Variants in FMO3 observed in about 807,000 individuals in gnomAD.
FMO3 encodes the protein flavin-containing monooxygenase 3.
FMO3 carries 40 observed loss-of-function variants against 39.4 expected under a neutral mutation model. The ratio of observed to expected loss-of-function variants is 1.02; its 90% CI spans 0.79 to 1.32. The LOEUF (loss-of-function observed/expected upper bound fraction) is 1.32, where lower values mean the gene tolerates loss of function less well. FMO3 is among the 40% of genes most tolerant of loss of function. FMO3 has a pLI of 0.00. For synonymous variants in FMO3, 219 were observed against 228.8 expected, an observed-to-expected ratio of 0.96 and a Z score of 0.39; for missense variants, 680 against 651.8, an observed-to-expected ratio of 1.04 and a Z score of -0.47.
chr1:171,098,300 T>G (rs1571206674), intron 2 of FMO3, among the ~76,000 whole-genome samples: 3 of 152,318 alleles, frequency 2.0e-5, no homozygotes, highest in East Asian at 1.9e-4. Context: ...ATATGAACTT[T>G]AAAGTAGTTT....
At chr1:171,096,081 A>ATATATAT (rs1655012838) in intron 2 of FMO3, among the ~76,000 whole-genome samples, 7 of 56,008 alleles carry the variant, frequency 1.2e-4, no homozygotes, top group South Asian at 1.2e-3. Flanking sequence ...TTAATATATA[A>ATATATAT]TATATATTAA....
chr1:171,115,102 C>A (rs12406572), intron 7 of FMO3, among the ~76,000 whole-genome samples: 34,027 of 151,968 alleles, frequency 0.22, 4,285 homozygotes, highest in African/African-American at 0.34. Flanking sequence ...AAGGTAATGG[C>A]ATGAAATTTC....
chr1:171,110,246 T>C (rs143452685), intron 5 of FMO3, among the ~76,000 whole-genome samples: 1 of 152,328 alleles, frequency 6.6e-6, no homozygotes, highest in African/African-American at 2.4e-5. Flanking sequence ...GGCATTTTGC[T>C]TTAAAATGCC....
rs764972414 is a variant in FMO3 at position 171,108,208 on chromosome 1, G to A, written c.614G>A (p.Arg205His). Residue 205 changes from arginine to histidine, a missense_variant, in exon 5 of 9, where the codon CGC (arginine) becomes CAC (histidine). Arg to His is a conservative substitution (Grantham distance 29, BLOSUM62 0). Transcript: ENST00000367755. ...TGTGATATTGCCACAGAACTCAGCC[G>A]CACAGCAGAACAGGTACTACTCCCC... Reference protein sequence around the residue: ...SGCDIATELSRTAEQVMISSR... With the variant: ...SGCDIATELSHTAEQVMISSR... The A allele has an allele frequency of 1.2e-5, 20 of 1,613,754 alleles. No homozygotes were observed. Among genetic ancestry groups the A allele is most frequent in the African/African-American group, 5.3e-5 (4 of 74,968 alleles).
chr1:171,096,082 TA>T, intron 2 of FMO3, among the ~76,000 whole-genome samples: 1 of 78,016 alleles, frequency 1.3e-5, no homozygotes, highest in African/African-American at 5.7e-5. Context: ...TAATATATAA[TA>T]TATATTAATA....
intron 2 of FMO3, among the ~76,000 whole-genome samples, chr1:171,093,827 CTTTTTTTTT>C (rs1228257104): frequency 1.3e-5 from 1 of 75,290 alleles, no homozygotes; most frequent in Non-Finnish European, 2.3e-5. Context: ...TCACTAATAT[CTTTTTTTTT>C]TTTTTTTTTT....
In FMO3 at chr1:171,117,438, C is replaced by T. The variant is rs764458425; in HGVS notation, c.1595C>T (p.Thr532Ile). 22 of 1,611,598 alleles carry T rather than the reference C, an allele frequency of 1.4e-5. No individual in the cohort carries two copies. The Admixed American group carries it at 1.7e-4, about 12-fold the overall frequency. ...TTAATCGCTGTTTTCCTTGTGTTGACCTAATCATCATTTTCTCTAGGATTT... is the reference window on the plus strand; with the variant it reads ...TTAATCGCTGTTTTCCTTGTGTTGATCTAATCATCATTTTCTCTAGGATTT... ...ILLIAVFLVL[T>I] The change falls in exon 9 of 9, where the codon ACC (threonine) becomes ATC (isoleucine). Residue 532 changes from threonine (T) to isoleucine (I), a missense_variant. Thr to Ile is a moderately conservative substitution (Grantham distance 89, BLOSUM62 -1). Coordinates refer to ENST00000367755, the MANE Select transcript of FMO3 (RefSeq NM_001002294.3).
chr1:171,096,318 T>C (rs1386793312), intron 2 of FMO3, among the ~76,000 whole-genome samples: 1 of 96,310 alleles, frequency 1.0e-5, no homozygotes, highest in Non-Finnish European at 1.8e-5. Context: ...ATAATATTTA[T>C]ATATAATATA....
intron 7 of FMO3, among the ~76,000 whole-genome samples, chr1:171,115,787 A>G (rs1198216755): frequency 6.6e-6 from 1 of 152,186 alleles, no homozygotes; most frequent in East Asian, 1.9e-4. Flanking sequence ...GGCTTCCCAT[A>G]GAAAAACTTA....
chr1:171,097,006 G>A (rs977494049), intron 2 of FMO3, among the ~76,000 whole-genome samples: 1 of 147,366 alleles, frequency 6.8e-6, no homozygotes, highest in Non-Finnish European at 1.5e-5. Flanking sequence ...TGTTCTCATT[G>A]TTCAATTCCC....
chr1:171,101,126 A>G (rs1386697353), intron 2 of FMO3: 1 of 456,108 alleles, frequency 2.2e-6, no homozygotes, highest in Non-Finnish European at 4.4e-6. Flanking sequence ...CCACTGAAAA[A>G]AATAAGAAAT....
At chr1:171,093,661 T>A (rs531260997) in intron 2 of FMO3, among the ~76,000 whole-genome samples, 1 of 151,770 alleles carries the variant, frequency 6.6e-6, no homozygotes, top group East Asian at 1.9e-4. Context: ...GGTGCAGGAA[T>A]TTTTTTTATA....
At chr1:171,096,661 A>C (rs1309916928) in intron 2 of FMO3, among the ~76,000 whole-genome samples, 2 of 92,464 alleles carry the variant, frequency 2.2e-5, no homozygotes, top group Non-Finnish European at 4.7e-5. Flanking sequence ...TTTTATATTT[A>C]AAATATATAT....
intron 3 of FMO3, among the ~76,000 whole-genome samples, chr1:171,104,284 A>G (rs1228851895): frequency 2.6e-5 from 4 of 152,156 alleles, no homozygotes; most frequent in Non-Finnish European, 4.4e-5. Flanking sequence ...CATATAGGTC[A>G]AAGAAGAAAT....
rs367932707 is a variant in FMO3, at chr1:171,114,174, G to A, written c.995G>A (p.Ser332Asn). ...TGTGTAATCTTTGCAACAGGGTATAGTTTTGCCTACCCCTTCCTTGATGAG... is the reference window on the plus strand; with the variant it reads ...TGTGTAATCTTTGCAACAGGGTATAATTTTGCCTACCCCTTCCTTGATGAG... ...IDCVIFATGY[S>N]FAYPFLDESI... Residue 332 changes from serine to asparagine, a missense_variant, in exon 7 of 9, where the codon AGT (serine) becomes AAT (asparagine). Physicochemically the swap from Ser to Asn is conservative, Grantham distance 46. Transcript: ENST00000367755. 2.5e-6 allele frequency: 4 copies of A among 1,614,058 alleles called. No individual in the cohort carries two copies. Among genetic ancestry groups the A allele is most frequent in the Non-Finnish European group, 3.4e-6 (4 of 1,179,954 alleles).
In FMO3 at chr1:171,116,266, GA is replaced by G; in HGVS notation, c.1247del (p.Lys416SerfsTer72). On this transcript the variant is annotated frameshift_variant, in exon 8 of 9. Transcript: ENST00000367755. LOFTEE classifies it low-confidence loss of function (END_TRUNC). ...TGAATGATATTAATGAGAAAATGGA[GA>G]AAAAGCGCAAATGGTAAGAGTACCT... is the stretch of plus-strand genomic sequence containing the variant. Reference protein sequence around the residue: ...MMNDINEKMEKKRKWFGKSET... With the variant: ...MMNDINEKMEXKRKWFGKSET... 1.3e-6 allele frequency: 2 copies of G among 1,589,418 alleles called. No homozygotes were observed. Among genetic ancestry groups the G allele is most frequent in the Non-Finnish European group, 1.7e-6 (2 of 1,158,226 alleles).
At chr1:171,113,536 G>C (rs1656004218) in intron 6 of FMO3, among the ~76,000 whole-genome samples, 1 of 152,136 alleles carries the variant, frequency 6.6e-6, no homozygotes, top group Admixed American at 6.5e-5. Context: ...TAGAGACTGT[G>C]CAAAACTCTT....
rs533252292 is a variant in FMO3, at chr1:171,116,893, A to T, written c.1257-207A>T. Among the ~76,000 whole-genome samples the T allele has an allele frequency of 1.4e-4, 21 of 152,344 alleles. No individual in the cohort carries two copies. In the Middle Eastern group the frequency reaches 0.01, roughly 74 times the overall value. On this transcript the variant is annotated intron_variant, in intron 8 of 8. Transcript: ENST00000367755. ...AAATGAAACCATATGAAAGTTCTTT[A>T]AAAAAACCACAAAGTAGGATAAACA... is the stretch of plus-strand genomic sequence containing the variant.
intron 6 of FMO3, among the ~76,000 whole-genome samples, chr1:171,112,318 A>G (rs1052732200): frequency 2.0e-5 from 3 of 152,210 alleles, no homozygotes; most frequent in Non-Finnish European, 4.4e-5. Context: ...TTAGCATTGC[A>G]GAGATTGATC....
Sources: gnomAD v4.1 joint callset for allele counts (sites outside exome capture counted in the v4.1 genomes callset) on GRCh38, gnomAD v4.1.1 for gene constraint, MANE v1.5 for transcripts, NCBI Gene and HGNC (gene_info 2026-07-23, HGNC 2026-07-21) for gene names.